Variants in PRKCE observed in about 807,000 individuals in gnomAD.
PRKCE encodes protein kinase C epsilon.
In PRKCE, 16 loss-of-function variants were observed where a neutral mutation model predicts 85.4. That is an observed-to-expected ratio of 0.19 (90% CI 0.13 to 0.28). The LOEUF is 0.28. Among genes scored for constraint, PRKCE ranks in the 10% least tolerant of loss-of-function variants. The probability of loss-of-function intolerance (pLI) is 1.00; values close to 1 mark genes in which losing one functional copy is unlikely to be tolerated. For synonymous variants in PRKCE, 388 were observed against 371.5 expected, an observed-to-expected ratio of 1.04 and a Z score of -0.51; for missense variants, 573 against 975.2, an observed-to-expected ratio of 0.59 and a Z score of 5.49.
chr2:45,990,531 A>G (rs2595214), intron 6 of PRKCE, among the ~76,000 whole-genome samples: 30,461 of 152,090 alleles, frequency 0.2, 4,078 homozygotes, highest in East Asian at 0.55. Flanking sequence ...CACAAATGCA[A>G]TCGTCTTGTC....
intron 2 of PRKCE, among the ~76,000 whole-genome samples, chr2:45,913,467 C>G (rs72802814): frequency 7.1e-4 from 108 of 152,304 alleles, no homozygotes; most frequent in Non-Finnish European, 1.2e-3. Context: ...GCGCTTGGCT[C>G]CTGGTACAGA....
intron 2 of PRKCE, among the ~76,000 whole-genome samples, chr2:45,857,421 G>A (rs934400669): frequency 3.0e-4 from 46 of 152,330 alleles, no homozygotes; most frequent in African/African-American, 1.1e-3. Flanking sequence ...TGGGCAGCCT[G>A]TCAACCTGCT....
intron 5 of PRKCE, 94 bp downstream of exon 5, chr2:45,980,475 C>G (rs764902184): frequency 1.3e-5 from 15 of 1,148,462 alleles, no homozygotes; most frequent in Non-Finnish European, 1.8e-5. Flanking sequence ...CCTTCTCTGC[C>G]TGAGACCCTG....
In PRKCE at chr2:45,985,219, C is replaced by G. The variant is rs112443705; in HGVS notation, c.823+539C>G. Among the ~76,000 whole-genome samples, 1,069 of 152,246 alleles carry G rather than the reference C, an allele frequency of 7.0e-3. 2 individuals carry two copies. Among genetic ancestry groups the G allele is most frequent in the Non-Finnish European group, 0.011 (771 of 68,016 alleles). ...AGGCTCAGAGACTAAGCAACTTGCT[C>G]ACATCACACAATTTATTAGCAGAAG... is the stretch of plus-strand genomic sequence containing the variant. On this transcript the variant is annotated intron_variant, in intron 6 of 14. Coordinates refer to ENST00000306156, the MANE Select transcript of PRKCE (RefSeq NM_005400.3).
intron 11 of PRKCE, among the ~76,000 whole-genome samples, chr2:46,100,108 G>T (rs186799450): frequency 1.3e-5 from 2 of 152,250 alleles, no homozygotes; most frequent in Non-Finnish European, 2.9e-5. Flanking sequence ...TGTTTGGTCT[G>T]GGAATGCCTT....
At chr2:46,106,320 T>C (rs1006394467) in intron 11 of PRKCE, among the ~76,000 whole-genome samples, 2 of 152,220 alleles carry the variant, frequency 1.3e-5, no homozygotes, top group Non-Finnish European at 2.9e-5. Flanking sequence ...ACTCCCACTC[T>C]GGCATTAAGA....
At chr2:45,984,182 C>T (rs1189304835) in intron 5 of PRKCE, among the ~76,000 whole-genome samples, 1 of 152,054 alleles carries the variant, frequency 6.6e-6, no homozygotes, top group African/African-American at 2.4e-5. Context: ...AGGTGGTCCG[C>T]CTACCTCAGC....
chr2:46,089,878 C>G (rs1042155513), intron 11 of PRKCE, among the ~76,000 whole-genome samples: 1 of 152,186 alleles, frequency 6.6e-6, no homozygotes, highest in Non-Finnish European at 1.5e-5. Context: ...CCCCAAATAC[C>G]ATTGCCTCTC....
intron 2 of PRKCE, among the ~76,000 whole-genome samples, chr2:45,868,618 C>G (rs987232536): frequency 6.6e-6 from 1 of 150,542 alleles, no homozygotes; most frequent in African/African-American, 2.4e-5. Context: ...GCCACCATGC[C>G]TGGCTGATTT....
chr2:45,968,696 C>G (rs111969573), intron 2 of PRKCE, among the ~76,000 whole-genome samples: 1 of 152,132 alleles, frequency 6.6e-6, no homozygotes, highest in African/African-American at 2.4e-5. Context: ...AATCTAAGAA[C>G]ACTGAGGTTG....
At position 46,001,641 on chromosome 2, in the gene PRKCE, T is replaced by A; in HGVS notation, c.966+95T>A. 7.2e-7 allele frequency: 1 copy of A among 1,389,868 alleles called. No individual in the cohort carries two copies. 86.1% of individuals were successfully genotyped at this position (1,389,868 alleles called of 1,614,324 possible). A position where few individuals can be genotyped will look rare whatever the true frequency, so the allele number is the denominator to read the frequency against. Reference sequence around the variant, plus strand: ...GTGCTCTGGAGTGAGGTAATAAGATTCCTGGGTTTGAGGTATTTTACTCAG... The same window carrying A: ...GTGCTCTGGAGTGAGGTAATAAGATACCTGGGTTTGAGGTATTTTACTCAG... On this transcript the variant is annotated intron_variant, in intron 7 of 14. Transcript: ENST00000306156. This position sits in a 1 kb window ranked among gnomAD's most constrained non-coding sequence, Gnocchi z 4.4.
rs1333000604 is a variant in PRKCE at position 46,004,624 on chromosome 2, C to A, written c.1049C>A (p.Ser350Tyr). Reference protein sequence around the residue: ...EEDRSKSAPTSPCDQEIKELE... With the variant: ...EEDRSKSAPTYPCDQEIKELE... ...GATCGATCCAAGTCAGCACCCACCT[C>A]CCCTTGTGACCAGGGTGAGACCCTC... The change falls in exon 8 of 15, where the codon TCC (serine) becomes TAC (tyrosine). Residue 350 changes from serine to tyrosine, a missense_variant. Transcript: ENST00000306156. This position sits in a 1 kb window ranked among gnomAD's most constrained non-coding sequence, Gnocchi z 4.1. 3 of 1,585,230 alleles carry A rather than the reference C, an allele frequency of 1.9e-6. No individual in the cohort carries two copies. In the Admixed American group the frequency reaches 5.1e-5, roughly 27 times the overall value.
intron 1 of PRKCE, among the ~76,000 whole-genome samples, chr2:45,812,408 G>C (rs78119886): frequency 6.6e-6 from 1 of 152,144 alleles, no homozygotes; most frequent in Non-Finnish European, 1.5e-5. Context: ...AAGTACTTAC[G>C]GAGCATTGGT....
intron 10 of PRKCE, among the ~76,000 whole-genome samples, chr2:46,014,812 C>T (rs1026357556): frequency 2.0e-5 from 3 of 152,174 alleles, no homozygotes; most frequent in Non-Finnish European, 4.4e-5. Flanking sequence ...GACCTGGAAG[C>T]ATGGGTGGCA....
At chr2:45,918,317 G>T (rs2103906418) in intron 2 of PRKCE, among the ~76,000 whole-genome samples, 1 of 152,370 alleles carries the variant, frequency 6.6e-6, no homozygotes, top group East Asian at 1.9e-4. Flanking sequence ...GGTGGGGACT[G>T]TGTAATGTAG....
chr2:46,114,560 G>A (rs969682092), intron 11 of PRKCE, among the ~76,000 whole-genome samples: 13 of 151,956 alleles, frequency 8.6e-5, no homozygotes, highest in African/African-American at 3.1e-4. Flanking sequence ...TGGGACTACA[G>A]GCACCCGCCA....
intron 11 of PRKCE, among the ~76,000 whole-genome samples, chr2:46,122,225 G>A (rs1049903021): frequency 2.0e-5 from 3 of 151,900 alleles, no homozygotes; most frequent in African/African-American, 4.8e-5. Flanking sequence ...TTGTTTGTTT[G>A]TTTTTGTTTT....
chr2:45,681,574 C>T (rs1054138040), intron 1 of PRKCE, among the ~76,000 whole-genome samples: 25 of 152,134 alleles, frequency 1.6e-4, no homozygotes, highest in African/African-American at 6.0e-4. Context: ...GATTAATGTC[C>T]CACTTGACTC....
At chr2:45,737,263 C>T (rs1455598124) in intron 1 of PRKCE, among the ~76,000 whole-genome samples, 1 of 152,250 alleles carries the variant, frequency 6.6e-6, no homozygotes, top group Non-Finnish European at 1.5e-5. Context: ...TGGCCCACGT[C>T]TTGGCTCACT....
Sources: gnomAD v4.1 joint callset for allele counts (sites outside exome capture counted in the v4.1 genomes callset) on GRCh38, gnomAD v4.1.1 for gene constraint, Gnocchi (gnomAD v3.1) non-coding constraint, MANE v1.5 for transcripts, NCBI Gene and HGNC (gene_info 2026-07-23, HGNC 2026-07-21) for gene names.